The following MBOAT7 variants were observed in gnomAD, a reference collection of about 807,000 sequenced individuals.
MBOAT7 encodes membrane-bound acylglycerophosphatidylinositol O-acyltransferase MBOAT7.
MBOAT7 carries 40 observed loss-of-function variants against 47.4 expected under a neutral mutation model. The observed-to-expected ratio is 0.84, with a 90% CI of 0.66 to 1.10. The LOEUF (loss-of-function observed/expected upper bound fraction) is 1.10. Ranked by LOEUF, MBOAT7 falls within the 50% of genes least tolerant of loss-of-function variation. MBOAT7 has a pLI of 0.00. For missense variants in MBOAT7, 680 were observed against 655.6 expected (o/e 1.04, Z -0.41); for synonymous variants, 361 against 292.0 (o/e 1.24, Z -2.41).
intron 4 of MBOAT7, among the ~76,000 whole-genome samples, chr19:54,186,021 A>G (rs1038949998): frequency 1.4e-5 from 2 of 140,970 alleles, no homozygotes; most frequent in Non-Finnish European, 3.1e-5. Flanking sequence ...CTATTTGTTT[A>G]TTTATTTTTG....
rs2076348105 is a variant in MBOAT7, at chr19:54,183,606, C to T, written c.408G>A (p.Lys136=). The change falls in exon 5 of 8, where the codon AAG becomes AAA. Residue 136 remains lysine, a synonymous_variant. Coordinates refer to ENST00000245615, the MANE Select transcript of MBOAT7 (RefSeq NM_024298.5). ...CGGGCAGCAGCCCCAGGGTGGGCCC[C>T]TTGCTGAAGCCTGAGGCCATTTCCT... The part of the protein sequence containing the change: ...QRKEMASGFS[K]GPTLGLLPDV... 2 of 1,608,230 alleles carry T rather than the reference C, an allele frequency of 1.2e-6. No individual in the cohort carries two copies. Among genetic ancestry groups the T allele is most frequent in the African/African-American group, 1.3e-5 (1 of 74,698 alleles).
intron 7 of MBOAT7, among the ~76,000 whole-genome samples, chr19:54,176,668 G>T (rs1475595331): frequency 6.6e-6 from 1 of 152,140 alleles, no homozygotes; most frequent in Non-Finnish European, 1.5e-5. Context: ...TCTCCTGGGG[G>T]TGCAGCAGCA....
In MBOAT7 at chr19:54,177,180, C is replaced by CTAATACTAATACTAATAA. The variant is rs1555833539; in HGVS notation, c.1031+1584_1031+1585insTTATTAGTATTAGTATTA. ...ACTAATACTAATACTAATACTAATA[C>CTAATACTAATACTAATAA]TAATAATAATATCCTTCTTACTCCC... is the stretch of plus-strand genomic sequence containing the variant. On this transcript the variant is annotated intron_variant, in intron 7 of 7. Coordinates refer to ENST00000245615, the MANE Select transcript of MBOAT7 (RefSeq NM_024298.5). Among the ~76,000 whole-genome samples, 13 of 151,250 alleles carry CTAATACTAATACTAATAA rather than the reference C, an allele frequency of 8.6e-5. 1 individual carries two copies. Among genetic ancestry groups the CTAATACTAATACTAATAA allele is most frequent in the Admixed American group, 2.0e-4 (3 of 15,156 alleles).
intron 5 of MBOAT7, 71 bp from the exon 6 acceptor site, chr19:54,181,204 C>T: frequency 7.0e-7 from 1 of 1,431,426 alleles, no homozygotes; most frequent in Non-Finnish European, 9.1e-7. Context: ...AGGAGGAGGA[C>T]AGGGAGCTTG....
At chr19:54,174,988 T>G (rs570514879) in intron 7 of MBOAT7, among the ~76,000 whole-genome samples, 1 of 151,268 alleles carries the variant, frequency 6.6e-6, no homozygotes, top group East Asian at 1.9e-4. Flanking sequence ...TTTTTTTTTT[T>G]TTTTTGAGAC....
intron 7 of MBOAT7, among the ~76,000 whole-genome samples, chr19:54,175,123 CTG>C (rs2076060301): frequency 6.6e-6 from 1 of 151,832 alleles, no homozygotes; most frequent in Non-Finnish European, 1.5e-5. Context: ...CTACAGGCGC[CTG>C]CCACCACGCC....
chr19:54,173,890 C>G lies in MBOAT7; in HGVS notation c.*154G>C, dbSNP rs906876637. 4.4e-6 allele frequency: 4 copies of G among 915,092 alleles called. No individual in the cohort carries two copies. The highest frequency in any genetic ancestry group is 6.3e-6 in the Non-Finnish European group (4 of 634,274). 56.7% of individuals were successfully genotyped at this position (915,092 alleles called of 1,614,324 possible). On this transcript the variant is annotated 3_prime_UTR_variant, in exon 8 of 8. Transcript: ENST00000245615. The stretch of plus-strand genomic sequence containing the variant: ...GGGCAGAGGGCAGGGAGGACACCCC[C>G]GGGTCTGCTTCAGTTGCAGGCAGGG...
At chr19:54,187,489 A>G (rs1430830128) in intron 3 of MBOAT7, among the ~76,000 whole-genome samples, 2 of 152,248 alleles carry the variant, frequency 1.3e-5, no homozygotes. Flanking sequence ...GCTCAGCCAC[A>G]TAGAAACACA....
At chr19:54,175,885 A>C (rs1196326185) in intron 7 of MBOAT7, among the ~76,000 whole-genome samples, 1 of 152,104 alleles carries the variant, frequency 6.6e-6, no homozygotes, top group East Asian at 1.9e-4. Context: ...CCACCATGCC[A>C]GGCTAATTTT....
At chr19:54,187,309 AC>A in intron 3 of MBOAT7, 22 bp from the exon 4 acceptor site, 1 of 1,596,406 alleles carries the variant, frequency 6.3e-7, no homozygotes, top group South Asian at 1.1e-5. Flanking sequence ...CAGGAGGCGC[AC>A]TGTGTTGGGC....
chr19:54,188,712 C>G (rs1342125215), intron 1 of MBOAT7, among the ~76,000 whole-genome samples: 1 of 152,152 alleles, frequency 6.6e-6, no homozygotes, highest in African/African-American at 2.4e-5. Context: ...GAATCCACCC[C>G]CAGCCCCTCC....
intron 3 of MBOAT7, among the ~76,000 whole-genome samples, chr19:54,187,702 C>T (rs1012828856): frequency 6.6e-6 from 1 of 152,124 alleles, no homozygotes; most frequent in African/African-American, 2.4e-5. Context: ...AGGGACCAGA[C>T]GCAGAAGGCA....
rs1287974798 is a variant in MBOAT7 at position 54,189,361 on chromosome 19, G to A, written c.-27C>T. Reference sequence around the variant, plus strand: ...ACCTGAGCTGCTCGCCGGGCAGGAGGCGGCCGAGCAGTCCCAGCCCGCTTG... The same window carrying A: ...ACCTGAGCTGCTCGCCGGGCAGGAGACGGCCGAGCAGTCCCAGCCCGCTTG... On this transcript the variant is annotated 5_prime_UTR_variant, in exon 1 of 8. Coordinates refer to ENST00000245615, the MANE Select transcript of MBOAT7 (RefSeq NM_024298.5). 1.3e-5 allele frequency: 2 copies of A among 152,294 alleles called. No homozygotes were observed. Among genetic ancestry groups the A allele is most frequent in the Non-Finnish European group, 2.9e-5 (2 of 68,142 alleles). 9.4% of individuals were successfully genotyped at this position (152,294 alleles called of 1,614,324 possible).
At chr19:54,185,544 C>A (rs1372342546) in intron 4 of MBOAT7, among the ~76,000 whole-genome samples, 1 of 152,174 alleles carries the variant, frequency 6.6e-6, no homozygotes, top group Non-Finnish European at 1.5e-5. Flanking sequence ...GCAACTCAGA[C>A]CTACCCACAG....
chr19:54,175,817 T>C (rs7259361), intron 7 of MBOAT7, among the ~76,000 whole-genome samples: 123,216 of 152,060 alleles, frequency 0.81, 49,998 homozygotes, highest in East Asian at 0.88. Flanking sequence ...CTCTGCCTCC[T>C]GGGTTCAAGT....
At position 54,182,513 on chromosome 19, in the gene MBOAT7, T is replaced by TTC. The variant is rs1165671941; in HGVS notation, c.493+1007_493+1008insGA. On this transcript the variant is annotated intron_variant, in intron 5 of 7. Transcript: ENST00000245615. ...TGTATGTTTTGTGTTTTGTTTTTTTTCAGGAAATTAAAGAAGCCAAGAGTT... is the reference window on the plus strand; with the variant it reads ...TGTATGTTTTGTGTTTTGTTTTTTTTTCCAGGAAATTAAAGAAGCCAAGAGTT... Among the ~76,000 whole-genome samples, 707 of 148,124 alleles carry TTC rather than the reference T, an allele frequency of 4.8e-3. 6 individuals carry two copies. The highest frequency in any genetic ancestry group is 0.012 in the African/African-American group (467 of 40,446).
Position 54,180,966 on chromosome 19 carries a change from C to G in MBOAT7, c.661G>C (p.Ala221Pro). Reference sequence around the variant, plus strand: ...GCGGGCAGCGGGCGGGCGTAGAAGGCGTCCTCGCGCACGGCCTCCAGCGGG... The same window carrying G: ...GCGGGCAGCGGGCGGGCGTAGAAGGGGTCCTCGCGCACGGCCTCCAGCGGG... ...LFPLEAVRED[A>P]FYARPLPARL... is the part of the protein sequence containing the mutation. Residue 221 changes from alanine to proline, a missense_variant, in exon 6 of 8, where the codon GCC becomes CCC. Physicochemically the swap from Ala to Pro is conservative, Grantham distance 27 (BLOSUM62 -1). Transcript: ENST00000245615. The surrounding 1 kb of genome is among the most constrained non-coding windows in gnomAD (Gnocchi z 5.2). The G allele has an allele frequency of 6.4e-7, 1 of 1,574,308 alleles. No homozygotes were observed. Among genetic ancestry groups the G allele is most frequent in the Non-Finnish European group, 8.6e-7 (1 of 1,161,468 alleles).
chr19:54,183,589 A>G lies in MBOAT7; in HGVS notation c.425T>C (p.Leu142Pro). Reference sequence around the variant, plus strand: ...CATCAGGGAGGGCACGTCGGGCAGCAGCCCCAGGGTGGGCCCCTTGCTGAA... The same window carrying G: ...CATCAGGGAGGGCACGTCGGGCAGCGGCCCCAGGGTGGGCCCCTTGCTGAA... ...SGFSKGPTLG[L>P]LPDVPSLMET... is the part of the protein sequence containing the mutation. The change falls in exon 5 of 8, where the codon CTG becomes CCG. Residue 142 changes from leucine (L) to proline (P), a missense_variant. Physicochemically the swap from Leu to Pro is moderately conservative, Grantham distance 98. Transcript: ENST00000245615. 1 of 1,608,666 alleles carries G rather than the reference A, an allele frequency of 6.2e-7. No individual in the cohort carries two copies. The highest frequency in any genetic ancestry group is 8.5e-7 in the Non-Finnish European group (1 of 1,177,756).
At chr19:54,183,206 G>C (rs145015815) in intron 5 of MBOAT7, among the ~76,000 whole-genome samples, 5 of 152,286 alleles carry the variant, frequency 3.3e-5, no homozygotes, top group African/African-American at 1.2e-4. Context: ...CCTAAGCCGT[G>C]AATATTTGTT....
Sources: gnomAD v4.1 joint callset for allele counts (sites outside exome capture counted in the v4.1 genomes callset) on GRCh38, gnomAD v4.1.1 for gene constraint, Gnocchi (gnomAD v3.1) non-coding constraint, MANE v1.5 for transcripts, NCBI Gene and HGNC (gene_info 2026-07-23, HGNC 2026-07-21) for gene names.